Variants in GJB3 observed in about 807,000 individuals in gnomAD.
GJB3 encodes the protein gap junction protein beta 3, also known as gap junction beta-3 protein.
A neutral mutation model predicts 8.1 loss-of-function variants in GJB3; 6 were observed. The observed-to-expected ratio is 0.75, with a 90% CI of 0.41 to 1.47. GJB3 has a LOEUF of 1.47. GJB3 is among the 40% of genes most tolerant of loss of function. GJB3 has a pLI of 0.02. For synonymous variants in GJB3, 137 were observed against 156.4 expected (o/e 0.88, Z 0.93); for missense variants, 348 against 365.6 (o/e 0.95, Z 0.39).
At chr1:34,782,835 C>G (rs1557658673) in intron 1 of GJB3, among the ~76,000 whole-genome samples, 1 of 151,798 alleles carries the variant, frequency 6.6e-6, no homozygotes, top group African/African-American at 2.4e-5. Flanking sequence ...ACCAGGCTGC[C>G]CCCTGACCAG....
chr1:34,785,325 C>G lies in GJB3; in HGVS notation c.563C>G (p.Thr188Ser). The change falls in exon 2 of 2, where the codon ACC (threonine) becomes AGC (serine). Residue 188 changes from threonine (T) to serine (S), a missense_variant. By Grantham distance (58) the Thr-to-Ser change is moderately conservative (BLOSUM62 1). Transcript: ENST00000373366. The surrounding 1 kb of genome is among the most constrained non-coding windows in gnomAD (Gnocchi z 4.7). ...CGACCTACCGAGAAGAAAATCTTCA[C>G]CTACTTCATGGTGGGCGCCTCCGCC... ...IARPTEKKIF[T>S]YFMVGASAVC... 1 of 1,613,994 alleles carries G rather than the reference C, an allele frequency of 6.2e-7. No homozygotes were observed. The highest frequency in any genetic ancestry group is 8.5e-7 in the Non-Finnish European group (1 of 1,180,018).
rs753289516 is a variant in GJB3, at chr1:34,785,135, G to A, written c.373G>A (p.Gly125Arg). The A allele has an allele frequency of 2.2e-5, 35 of 1,614,006 alleles. No individual in the cohort carries two copies. Among genetic ancestry groups the A allele is most frequent in the African/African-American group, 8.0e-5 (6 of 74,924 alleles). The change falls in exon 2 of 2, where the codon GGA becomes AGA. Residue 125 changes from glycine (G) to arginine (R), a missense_variant. Transcript: ENST00000373366. The surrounding 1 kb of genome is among the most constrained non-coding windows in gnomAD (Gnocchi z 4.7). ...GTACGACAACGCAGGCAAGAAGCAC[G>A]GAGGCCTGTGGTGGACCTACCTGTT... is the stretch of plus-strand genomic sequence containing the variant. ...KLYDNAGKKH[G>R]GLWWTYLFSL...
chr1:34,783,233 G>T (rs1213937609), intron 1 of GJB3, among the ~76,000 whole-genome samples: 1 of 151,098 alleles, frequency 6.6e-6, no homozygotes, highest in East Asian at 2.0e-4. Flanking sequence ...GGGCGACACA[G>T]CAAGGCCTTG....
Position 34,785,281 on chromosome 1 carries a change from C to T in GJB3, c.519C>T (p.Ile173=), listed in dbSNP as rs1228791653. ...CCAACGTGGCCCCCTGCCCCAACATCGTGGACTGCTACATTGCCCGACCTA... is the reference window on the plus strand; with the variant it reads ...CCAACGTGGCCCCCTGCCCCAACATTGTGGACTGCTACATTGCCCGACCTA... ...QCANVAPCPN[I]VDCYIARPTE... The change falls in exon 2 of 2, where the codon ATC becomes ATT. Residue 173 remains isoleucine (I), a synonymous_variant. Transcript: ENST00000373366. This position sits in a 1 kb window ranked among gnomAD's most constrained non-coding sequence, Gnocchi z 4.7. 3.1e-6 allele frequency: 5 copies of T among 1,613,708 alleles called. No homozygotes were observed. The highest frequency in any genetic ancestry group is 4.5e-5 in the East Asian group (2 of 44,866).
intron 1 of GJB3, among the ~76,000 whole-genome samples, chr1:34,782,099 G>C (rs935175750): frequency 6.6e-6 from 1 of 152,206 alleles, no homozygotes; most frequent in Non-Finnish European, 1.5e-5. Context: ...TGTGGGGCGG[G>C]AGGTAGGGCT....
chr1:34,783,002 G>A (rs963805397), intron 1 of GJB3, among the ~76,000 whole-genome samples: 1 of 152,088 alleles, frequency 6.6e-6, no homozygotes, highest in Admixed American at 6.5e-5. Flanking sequence ...TTCTAGAGGG[G>A]GAGCCAGATA....
At position 34,784,947 on chromosome 1, in the gene GJB3, A is replaced by C; in HGVS notation, c.185A>C (p.Asn62Thr). ...AACACCAAGCAGCCCGGCTGCACCA[A>C]CGTCTGCTACGACAACTACTTCCCC... The part of the protein sequence containing the change: ...DCNTKQPGCT[N>T]VCYDNYFPIS... The change falls in exon 2 of 2, where the codon AAC (asparagine) becomes ACC (threonine). Residue 62 changes from asparagine to threonine, a missense_variant. Transcript: ENST00000373366. 6.2e-7 allele frequency: 1 copy of C among 1,614,148 alleles called. No homozygotes were observed. Among genetic ancestry groups the C allele is most frequent in the Non-Finnish European group, 8.5e-7 (1 of 1,180,018 alleles).
chr1:34,784,778 C>G lies in GJB3; in HGVS notation c.16C>G (p.Leu6Val). The change falls in exon 2 of 2, where the codon CTC (leucine) becomes GTC (valine). Residue 6 changes from leucine to valine, a missense_variant. Leu to Val is a conservative substitution (Grantham distance 32, BLOSUM62 1). Coordinates refer to ENST00000373366, the MANE Select transcript of GJB3 (RefSeq NM_024009.3). The part of the protein sequence containing the change: MDWKT[L>V]QALLSGVNKY... Reference sequence around the variant, plus strand: ...ACCAGGCGCCATGGACTGGAAGACACTCCAGGCCCTACTGAGCGGTGTGAA... The same window carrying G: ...ACCAGGCGCCATGGACTGGAAGACAGTCCAGGCCCTACTGAGCGGTGTGAA... 6.2e-7 allele frequency: 1 copy of G among 1,614,150 alleles called. No individual in the cohort carries two copies. Among genetic ancestry groups the G allele is most frequent in the African/African-American group, 1.3e-5 (1 of 75,046 alleles).
rs1428868705 is a variant in GJB3, at chr1:34,785,517, A to G, written c.755A>G (p.Asp252Gly). The change falls in exon 2 of 2, where the codon GAT (aspartate) becomes GGT (glycine). Residue 252 changes from aspartate (D) to glycine (G), a missense_variant. Transcript: ENST00000373366. This position sits in a 1 kb window ranked among gnomAD's most constrained non-coding sequence, Gnocchi z 4.7. ...HHKLVEAGEV[D>G]PDPGNNKLQA... is the part of the protein sequence containing the mutation. ...AAGCTGGTGGAGGCTGGGGAGGTGGATCCAGACCCAGGCAATAACAAGCTG... is the reference window on the plus strand; with the variant it reads ...AAGCTGGTGGAGGCTGGGGAGGTGGGTCCAGACCCAGGCAATAACAAGCTG... The G allele has an allele frequency of 3.1e-6, 5 of 1,613,904 alleles. No individual in the cohort carries two copies. The highest frequency in any genetic ancestry group is 4.2e-6 in the Non-Finnish European group (5 of 1,180,024).
At chr1:34,784,366 A>C (rs1350786290) in intron 1 of GJB3, among the ~76,000 whole-genome samples, 2 of 152,212 alleles carry the variant, frequency 1.3e-5, no homozygotes, top group Admixed American at 6.5e-5. Flanking sequence ...GATCAGTTTC[A>C]TCTGTAAGTG....
Position 34,785,673 on chromosome 1 carries a change from C to T in GJB3, c.*98C>T, listed in dbSNP as rs1020478834. ...CCTACAGGGGCTGAGTGACCCCACT[C>T]TGAGTTCACTAAGTTATGCAACTTT... On this transcript the variant is annotated 3_prime_UTR_variant, in exon 2 of 2. Transcript: ENST00000373366. This position sits in a 1 kb window ranked among gnomAD's most constrained non-coding sequence, Gnocchi z 4.7. 12 of 926,148 alleles carry T rather than the reference C, an allele frequency of 1.3e-5. No individual in the cohort carries two copies. Among genetic ancestry groups the T allele is most frequent in the Non-Finnish European group, 2.0e-5 (12 of 588,910 alleles). The allele number at this position is 926,148 out of a possible 1,614,324, so 57.4% of individuals were successfully genotyped here.
In GJB3 at chr1:34,785,649, CT is replaced by C. The variant is rs1057515478; in HGVS notation, c.*75del. ...GGGCGGTGTGGCAGGTGGAGAGGTCCTACAGGGGCTGAGTGACCCCACTCTG... is the reference window on the plus strand; with the variant it reads ...GGGCGGTGTGGCAGGTGGAGAGGTCCACAGGGGCTGAGTGACCCCACTCTG... On this transcript the variant is annotated 3_prime_UTR_variant, in exon 2 of 2. Coordinates refer to ENST00000373366, the MANE Select transcript of GJB3 (RefSeq NM_024009.3). This position sits in a 1 kb window ranked among gnomAD's most constrained non-coding sequence, Gnocchi z 4.7. 1.0e-4 allele frequency: 127 copies of C among 1,223,028 alleles called. No homozygotes were observed. Among genetic ancestry groups the C allele is most frequent in the Admixed American group, 1.5e-4 (8 of 52,714 alleles). The allele number at this position is 1,223,028 out of a possible 1,614,324, so 75.8% of individuals were successfully genotyped here.
Position 34,785,220 on chromosome 1 carries a change from G to A in GJB3, c.458G>A (p.Trp153Ter). ...TTCCTCTACCTGCTGCACACTCTCT[G>A]GCATGGCTTCAATATGCCGCGCCTG... ...FLFLYLLHTL[W>*]HGFNMPRLVQ... The change falls in exon 2 of 2, where the codon TGG becomes TAG. Residue 153 changes from tryptophan to a stop codon, truncating the protein, a stop_gained. Transcript: ENST00000373366. LOFTEE classifies it low-confidence loss of function (END_TRUNC). The surrounding 1 kb of genome is among the most constrained non-coding windows in gnomAD (Gnocchi z 4.7). 1 of 1,614,056 alleles carries A rather than the reference G, an allele frequency of 6.2e-7. No homozygotes were observed. The highest frequency in any genetic ancestry group is 8.5e-7 in the Non-Finnish European group (1 of 1,180,024).
rs1339202187 is a variant in GJB3 at position 34,785,626 on chromosome 1, G to A, written c.*51G>A. 1 of 1,478,288 alleles carries A rather than the reference G, an allele frequency of 6.8e-7. No individual in the cohort carries two copies. The highest frequency in any genetic ancestry group is 9.4e-7 in the Non-Finnish European group (1 of 1,060,240). The allele number at this position is 1,478,288 out of a possible 1,614,324, so 91.6% of individuals were successfully genotyped here. A position where few individuals can be genotyped will look rare whatever the true frequency, so the allele number is the denominator to read the frequency against. ...GCGGGCTGCCAATGGGACATGCAGG[G>A]CGGTGTGGCAGGTGGAGAGGTCCTA... is the stretch of plus-strand genomic sequence containing the variant. On this transcript the variant is annotated 3_prime_UTR_variant, in exon 2 of 2. Transcript: ENST00000373366. This position sits in a 1 kb window ranked among gnomAD's most constrained non-coding sequence, Gnocchi z 4.7.
In GJB3 at chr1:34,785,366, A is replaced by AC; in HGVS notation, c.606dup (p.Ile203HisfsTer3). ...CGCCTCCGCCGTCTGCATCGTACTC[A>AC]CCATCTGTGAGCTCTGCTACCTCAT... On this transcript the variant is annotated frameshift_variant, in exon 2 of 2. Transcript: ENST00000373366. LOFTEE classifies it low-confidence loss of function (END_TRUNC). The surrounding 1 kb of genome is among the most constrained non-coding windows in gnomAD (Gnocchi z 4.7). The AC allele has an allele frequency of 1.2e-6, 2 of 1,613,236 alleles. No homozygotes were observed. The highest frequency in any genetic ancestry group is 1.7e-6 in the Non-Finnish European group (2 of 1,179,842).
At position 34,785,652 on chromosome 1, in the gene GJB3, C is replaced by A; in HGVS notation, c.*77C>A. 1 of 1,214,580 alleles carries A rather than the reference C, an allele frequency of 8.2e-7. No individual in the cohort carries two copies. Among genetic ancestry groups the A allele is most frequent in the Non-Finnish European group, 1.2e-6 (1 of 833,484 alleles). The allele number at this position is 1,214,580 out of a possible 1,614,324, so 75.2% of individuals were successfully genotyped here. On this transcript the variant is annotated 3_prime_UTR_variant, in exon 2 of 2. Coordinates refer to ENST00000373366, the MANE Select transcript of GJB3 (RefSeq NM_024009.3). This position sits in a 1 kb window ranked among gnomAD's most constrained non-coding sequence, Gnocchi z 4.7. ...CGGTGTGGCAGGTGGAGAGGTCCTACAGGGGCTGAGTGACCCCACTCTGAG... is the reference window on the plus strand; with the variant it reads ...CGGTGTGGCAGGTGGAGAGGTCCTAAAGGGGCTGAGTGACCCCACTCTGAG...
intron 1 of GJB3, among the ~76,000 whole-genome samples, chr1:34,783,761 G>A (rs1269491973): frequency 6.6e-6 from 1 of 152,064 alleles, no homozygotes; most frequent in Non-Finnish European, 1.5e-5. Context: ...ACAGAAACAA[G>A]GCACACTCAG....
intron 1 of GJB3, among the ~76,000 whole-genome samples, chr1:34,783,682 G>A (rs926978645): frequency 9.2e-5 from 14 of 152,098 alleles, no homozygotes; most frequent in Non-Finnish European, 1.3e-4. Flanking sequence ...GCTCCAGGGG[G>A]ACTCACATGC....
chr1:34,782,097 G>A (rs1640019881), intron 1 of GJB3, among the ~76,000 whole-genome samples: 1 of 152,204 alleles, frequency 6.6e-6, no homozygotes, highest in South Asian at 2.1e-4. Context: ...ATTGTGGGGC[G>A]GGAGGTAGGG....
Sources: allele counts gnomAD v4.1 joint callset (sites outside exome capture counted in the v4.1 genomes callset), GRCh38; gene constraint gnomAD v4.1.1; non-coding constraint Gnocchi (gnomAD v3.1); transcripts MANE v1.5; gene names NCBI Gene and HGNC (gene_info 2026-07-23, HGNC 2026-07-21).